Variants in NINJ2 observed in about 807,000 individuals in gnomAD.
NINJ2 encodes the protein ninjurin 2.
A neutral mutation model predicts 11.7 loss-of-function variants in NINJ2; 12 were observed. That is an observed-to-expected ratio of 1.02 (90% CI 0.66 to 1.66). The LOEUF is 1.66. NINJ2 is among the 40% of genes most tolerant of loss of function. The pLI, the probability that NINJ2 is intolerant of heterozygous loss-of-function variation, is 0.00. For missense variants in NINJ2, 187 were observed against 181.8 expected (o/e 1.03, Z -0.16); for synonymous variants, 93 against 76.8 (o/e 1.21, Z -1.10).
intron 1 of NINJ2, chr12:590,575 A>G (rs1365179891): frequency 6.6e-6 from 1 of 152,330 alleles, no homozygotes; most frequent in Non-Finnish European, 1.5e-5. Flanking sequence ...ACCTGCACAG[A>G]TGCAGCTGCC....
intron 1 of NINJ2, among the ~76,000 whole-genome samples, chr12:630,312 T>C (rs1457315979): frequency 1.3e-5 from 2 of 152,206 alleles, no homozygotes; most frequent in African/African-American, 2.4e-5. Context: ...CATTGCTTTC[T>C]ATCAGCAAGA....
At position 663,361 on chromosome 12, in the gene NINJ2, C is replaced by A. The variant is rs569602741; in HGVS notation, c.-1G>T. The stretch of plus-strand genomic sequence containing the variant: ...CGATGTTTTCTCTTGCTGATTCCAT[C>A]TCGCTGCCCTCAAGTCCCTTCACAC... On this transcript the variant is annotated 5_prime_UTR_variant, in exon 1 of 4. Coordinates refer to ENST00000305108, the MANE Select transcript of NINJ2 (RefSeq NM_016533.6). The A allele has an allele frequency of 6.2e-7, 1 of 1,614,206 alleles. No individual in the cohort carries two copies. Among genetic ancestry groups the A allele is most frequent in the South Asian group, 1.1e-5 (1 of 91,086 alleles).
intron 1 of NINJ2, chr12:643,436 C>T: frequency 1.0e-6 from 1 of 988,120 alleles, no homozygotes; most frequent in South Asian, 4.7e-5. Context: ...CGCCGCGACG[C>T]GGCTCACAAA....
At chr12:651,887 C>G (rs903499843) in intron 1 of NINJ2, among the ~76,000 whole-genome samples, 1 of 152,040 alleles carries the variant, frequency 6.6e-6, no homozygotes, top group African/African-American at 2.4e-5. Flanking sequence ...CATAGAAGGC[C>G]CCTACATGGA....
rs955189971 is a variant in NINJ2, at chr12:581,913, C to T, written c.34-15735G>A. On this transcript the variant is annotated intron_variant, in intron 1 of 3. Transcript: ENST00000305108. This position sits in a 1 kb window ranked among gnomAD's most constrained non-coding sequence, Gnocchi z 4.9. The stretch of plus-strand genomic sequence containing the variant: ...GGTGTCCTGAGAACCAGATTCTCCG[C>T]GGACGCTGAACACACAAAAAGCCCA... Among the ~76,000 whole-genome samples, 42 of 152,244 alleles carry T rather than the reference C, an allele frequency of 2.8e-4. No individual in the cohort carries two copies. The highest frequency in any genetic ancestry group is 9.4e-4 in the African/African-American group (39 of 41,532).
chr12:621,746 G>A (rs1450086994), intron 1 of NINJ2, among the ~76,000 whole-genome samples: 1 of 151,536 alleles, frequency 6.6e-6, no homozygotes, highest in African/African-American at 2.4e-5. Context: ...GAACCCGGGA[G>A]GCAGAGGTTG....
chr12:602,815 C>T (rs1308249406), intron 1 of NINJ2, among the ~76,000 whole-genome samples: 1 of 152,116 alleles, frequency 6.6e-6, no homozygotes, highest in African/African-American at 2.4e-5. Context: ...GTGTAAAGTG[C>T]TGTCTCATTG....
rs751542444 is a variant in NINJ2, at chr12:566,176, A to C, written c.36T>G (p.Pro12=). The C allele has an allele frequency of 1.2e-6, 2 of 1,612,852 alleles. No individual in the cohort carries two copies. Among genetic ancestry groups the C allele is most frequent in the Non-Finnish European group, 1.7e-6 (2 of 1,179,228 alleles). ...GCTGGCTCCTGGGGTCGGAGCTTCC[A>C]GGCTGTAGGGGAGAAAGCACAGACT... ...ESARENIDLQ[P]GSSDPRSQPI... The change falls in exon 2 of 4, where the codon CCT becomes CCG. Residue 12 remains proline, a splice_region_variant and synonymous_variant. Transcript: ENST00000305108.
At chr12:647,275 G>C (rs549269344) in intron 1 of NINJ2, among the ~76,000 whole-genome samples, 14 of 152,290 alleles carry the variant, frequency 9.2e-5, no homozygotes, top group Non-Finnish European at 1.9e-4. Context: ...ATCTTCACCC[G>C]AGCCCTTCAT....
At chr12:626,245 C>G (rs1437064960) in intron 1 of NINJ2, among the ~76,000 whole-genome samples, 1 of 152,188 alleles carries the variant, frequency 6.6e-6, no homozygotes, top group Non-Finnish European at 1.5e-5. Context: ...CTGTGTCCAC[C>G]CAGTGATGAG....
chr12:615,156 G>A (rs1283633478), intron 1 of NINJ2, among the ~76,000 whole-genome samples: 1 of 152,208 alleles, frequency 6.6e-6, no homozygotes, highest in Non-Finnish European at 1.5e-5. Flanking sequence ...ACTCTCAAAG[G>A]AGATATGCAC....
intron 1 of NINJ2, among the ~76,000 whole-genome samples, chr12:634,288 TTTG>T (rs1410677011): frequency 2.9e-5 from 4 of 138,064 alleles, no homozygotes; most frequent in African/African-American, 1.2e-4. Context: ...TTTTTTTTTT[TTTG>T]CACTGTCTCC....
intron 1 of NINJ2, among the ~76,000 whole-genome samples, chr12:576,371 G>C (rs1210640663): frequency 6.6e-6 from 1 of 152,258 alleles, no homozygotes; most frequent in Non-Finnish European, 1.5e-5. Context: ...CGAGGACACG[G>C]ACGGGTTTCT....
chr12:639,774 T>C (rs1321318999), intron 1 of NINJ2, among the ~76,000 whole-genome samples: 1 of 152,208 alleles, frequency 6.6e-6, no homozygotes, highest in African/African-American at 2.4e-5. Context: ...CCCTAGATCA[T>C]ATCAAGTACA....
At chr12:623,070 A>T (rs1948172468) in intron 1 of NINJ2, among the ~76,000 whole-genome samples, 1 of 152,200 alleles carries the variant, frequency 6.6e-6, no homozygotes, top group South Asian at 2.1e-4. Flanking sequence ...GGAAGACCAG[A>T]TCAGCAAAAG....
At chr12:635,797 G>A (rs571506078) in intron 1 of NINJ2, among the ~76,000 whole-genome samples, 1 of 152,362 alleles carries the variant, frequency 6.6e-6, no homozygotes, top group Non-Finnish European at 1.5e-5. Flanking sequence ...AAAAGGGGCC[G>A]GGCGCGGCGG....
chr12:565,159 G>A (rs1035617223), intron 3 of NINJ2, 58 bp downstream of exon 3: 3 of 1,414,730 alleles, frequency 2.1e-6, no homozygotes, highest in African/African-American at 1.4e-5. Flanking sequence ...AGCCCCAGAG[G>A]AGAGAGAAGG....
Position 619,011 on chromosome 12 carries a change from A to G in NINJ2, c.33+44317T>C, listed in dbSNP as rs185868848. 1.3e-3 allele frequency among the ~76,000 whole-genome samples: 196 copies of G among 152,330 alleles called. 3 individuals carry two copies. The highest frequency in any genetic ancestry group is 4.6e-3 in the African/African-American group (190 of 41,572). ...CAGAAAGGTCAGGCTTCTTTCTGACAGGGGCAGCAAAACTAAATCCCAGAA... is the reference window on the plus strand; with the variant it reads ...CAGAAAGGTCAGGCTTCTTTCTGACGGGGGCAGCAAAACTAAATCCCAGAA... On this transcript the variant is annotated intron_variant, in intron 1 of 3. Transcript: ENST00000305108.
intron 1 of NINJ2, among the ~76,000 whole-genome samples, chr12:579,082 G>A (rs1122584): frequency 0.29 from 43,521 of 152,112 alleles, 6,746 homozygotes; most frequent in African/African-American, 0.38. Flanking sequence ...ACATAAGGGT[G>A]TATATGAGTT....
Sources: allele counts gnomAD v4.1 joint callset (sites outside exome capture counted in the v4.1 genomes callset), GRCh38; gene constraint gnomAD v4.1.1; non-coding constraint Gnocchi (gnomAD v3.1); transcripts MANE v1.5; gene names NCBI Gene and HGNC (gene_info 2026-07-23, HGNC 2026-07-21).